Variants in CEP57 observed in about 807,000 individuals in gnomAD.
CEP57 encodes centrosomal protein of 57 kDa.
CEP57 carries 40 observed loss-of-function variants against 68.0 expected under a neutral mutation model. The ratio of observed to expected loss-of-function variants is 0.59; its 90% CI spans 0.46 to 0.77. The LOEUF is 0.77. Ranked by LOEUF, CEP57 falls within the 30% of genes least tolerant of loss-of-function variation. The pLI is 0.00. For synonymous variants in CEP57, 219 were observed against 198.7 expected (o/e 1.10, Z -0.86); for missense variants, 606 against 580.7 (o/e 1.04, Z -0.45).
intron 1 of CEP57, among the ~76,000 whole-genome samples, chr11:95,791,827 G>T (rs1190359012): frequency 2.0e-5 from 3 of 152,162 alleles, no homozygotes; most frequent in Non-Finnish European, 2.9e-5. Context: ...AACAGTAGGT[G>T]CTTTTAGGAA....
chr11:95,827,936 T>C lies in CEP57; in HGVS notation c.1036T>C (p.Leu346=), dbSNP rs34254650. ...VSSRGGKSKK[L]SVTPPSSNGI... is the part of the protein sequence containing the mutation. Reference sequence around the variant, plus strand: ...TTCACGAGGTGGTAAAAGTAAGAAGTTGTCAGTAACACCTCCCTCCTCCAA... The same window carrying C: ...TTCACGAGGTGGTAAAAGTAAGAAGCTGTCAGTAACACCTCCCTCCTCCAA... The change falls in exon 9 of 11, where the codon TTG becomes CTG. Residue 346 remains leucine, a synonymous_variant. Transcript: ENST00000325542. The C allele has an allele frequency of 5.1e-4, 819 of 1,614,122 alleles. 5 individuals carry two copies. In the African/African-American group the frequency reaches 9.7e-3, roughly 19 times the overall value.
At chr11:95,793,731 G>C (rs2135238221) in intron 1 of CEP57, among the ~76,000 whole-genome samples, 1 of 152,248 alleles carries the variant, frequency 6.6e-6, no homozygotes, top group East Asian at 1.9e-4. Context: ...TTTTTCAAAT[G>C]AGCAAAATGA....
intron 2 of CEP57, among the ~76,000 whole-genome samples, chr11:95,805,262 G>T (rs1333921511): frequency 6.6e-6 from 1 of 152,084 alleles, no homozygotes; most frequent in South Asian, 2.1e-4. Flanking sequence ...TTTTTCTATT[G>T]TACTTATCTG....
chr11:95,799,099 T>C (rs1861465428), intron 1 of CEP57, 133 bp from the exon 2 acceptor site: 1 of 828,716 alleles, frequency 1.2e-6, no homozygotes, highest in Admixed American at 2.1e-5. Flanking sequence ...ATGATTGAAT[T>C]GTATTGTTTC....
At position 95,818,823 on chromosome 11, in the gene CEP57, C is replaced by T; in HGVS notation, c.622-4C>T. 1.2e-6 allele frequency: 2 copies of T among 1,611,962 alleles called. No homozygotes were observed. The highest frequency in any genetic ancestry group is 1.3e-5 in the African/African-American group (1 of 74,900). ...TTTATCCCTTTTGACATTTTTATCACTAGAAAAAAATGCAAGAGTTGGAAG... is the reference window on the plus strand; with the variant it reads ...TTTATCCCTTTTGACATTTTTATCATTAGAAAAAAATGCAAGAGTTGGAAG... On this transcript the variant is annotated splice_polypyrimidine_tract_variant and splice_region_variant and intron_variant, in intron 5 of 10. Transcript: ENST00000325542.
intron 7 of CEP57, 185 bp from the exon 8 acceptor site, chr11:95,822,314 G>GCTAGGCTAGGATATATGCTTTCC (rs1862551600): frequency 1.7e-6 from 1 of 603,818 alleles, no homozygotes; most frequent in South Asian, 2.0e-5. Flanking sequence ...TTTCCCCCCA[G>GCTAGGCTAGGATATATGCTTTCC]CCTTTCCTAG....
At chr11:95,824,765 T>G (rs1462145290) in intron 8 of CEP57, among the ~76,000 whole-genome samples, 1 of 152,240 alleles carries the variant, frequency 6.6e-6, no homozygotes, top group African/African-American at 2.4e-5. Context: ...TCTACTATTT[T>G]GTGAAAACAC....
chr11:95,824,716 G>T (rs1346504216), intron 8 of CEP57, among the ~76,000 whole-genome samples: 1 of 152,192 alleles, frequency 6.6e-6, no homozygotes, highest in Non-Finnish European at 1.5e-5. Flanking sequence ...AGGAGGACAA[G>T]TCAGCACCAG....
intron 7 of CEP57, 61 bp downstream of exon 7, chr11:95,822,039 C>G: frequency 9.3e-7 from 1 of 1,073,232 alleles, no homozygotes; most frequent in East Asian, 2.4e-5. Flanking sequence ...TATGTCAAAA[C>G]ACCCATAAAC....
In CEP57 at chr11:95,822,675, C is replaced by A. The variant is rs537435641; in HGVS notation, c.885+99C>A. 2.4e-4 allele frequency: 153 copies of A among 639,432 alleles called. No individual in the cohort carries two copies. The African/African-American group carries it at 2.5e-3, about 11-fold the overall frequency. The allele number at this position is 639,432 out of a possible 1,614,324, so 39.6% of individuals were successfully genotyped here. On this transcript the variant is annotated intron_variant, in intron 8 of 10. Transcript: ENST00000325542. ...GTCTACAAATGGAAGGAACATTTTT[C>A]TGTGCCTTTACCAGTGTGTGGATCA...
At chr11:95,823,124 TAAG>T (rs1211620172) in intron 8 of CEP57, 1 of 152,968 alleles carries the variant, frequency 6.5e-6, no homozygotes, top group Non-Finnish European at 1.5e-5. Context: ...CACTACTTTA[TAAG>T]CTGTTTGTGT....
At chr11:95,812,163 G>A (rs1862092503) in intron 2 of CEP57, among the ~76,000 whole-genome samples, 1 of 151,974 alleles carries the variant, frequency 6.6e-6, no homozygotes. Context: ...ATTTTTGTGT[G>A]CTTGACTGTA....
chr11:95,790,607 T>TCGC lies in CEP57; in HGVS notation c.-91_-90insGCC, dbSNP rs981344094. On this transcript the variant is annotated 5_prime_UTR_variant, in exon 1 of 11. Coordinates refer to ENST00000325542, the MANE Select transcript of CEP57 (RefSeq NM_014679.5). ...TTTCCATCAGGGGTTCAGCCTAGGG[T>TCGC]CCCCGCTGGTGGGCGGCTCCCGAGT... 3.0e-4 allele frequency: 448 copies of TCGC among 1,486,320 alleles called. No homozygotes were observed. The highest frequency in any genetic ancestry group is 6.6e-5 in the Non-Finnish European group (72 of 1,083,108). The allele number at this position is 1,486,320 out of a possible 1,614,324, so 92.1% of individuals were successfully genotyped here.
At chr11:95,828,141 C>T in intron 9 of CEP57, 114 bp downstream of exon 9, 2 of 1,259,170 alleles carry the variant, frequency 1.6e-6, no homozygotes, top group Non-Finnish European at 2.2e-6. Flanking sequence ...TGGTTGAGCA[C>T]AATCCTTATA....
At chr11:95,813,163 T>C in intron 3 of CEP57, 52 bp downstream of exon 3, 1 of 1,538,216 alleles carries the variant, frequency 6.5e-7, no homozygotes, top group Non-Finnish European at 8.9e-7. Flanking sequence ...TTGTGCAGTA[T>C]TAAGTATTCT....
chr11:95,802,987 G>A (rs1591053095), intron 2 of CEP57, among the ~76,000 whole-genome samples: 2 of 152,346 alleles, frequency 1.3e-5, no homozygotes, highest in Admixed American at 1.3e-4. Context: ...TGAGGCCAAA[G>A]ACAGTCTTCA....
intron 2 of CEP57, among the ~76,000 whole-genome samples, chr11:95,812,659 C>T (rs529230276): frequency 7.9e-5 from 12 of 152,108 alleles, no homozygotes; most frequent in Admixed American, 2.6e-4. Flanking sequence ...AGGCTGGTCT[C>T]GAACTCCTAA....
chr11:95,807,895 G>A (rs561111192), intron 2 of CEP57, among the ~76,000 whole-genome samples: 58 of 152,260 alleles, frequency 3.8e-4, no homozygotes, highest in Middle Eastern at 3.4e-3. Flanking sequence ...CTCAAGGAGA[G>A]CAACTCCAAG....
chr11:95,813,670 T>C, intron 4 of CEP57, 81 bp downstream of exon 4: 3 of 1,537,576 alleles, frequency 2.0e-6, no homozygotes, highest in South Asian at 1.1e-5. Flanking sequence ...TTTCTTTCGG[T>C]GAGGATTAAT....
Sources: gnomAD v4.1 joint callset for allele counts (sites outside exome capture counted in the v4.1 genomes callset) on GRCh38, gnomAD v4.1.1 for gene constraint, MANE v1.5 for transcripts, NCBI Gene and HGNC (gene_info 2026-07-23, HGNC 2026-07-21) for gene names.